LOC400499: variants seen among roughly 807,000 people sequenced by gnomAD.
At chr16:11,489,199 G>A in the LOC400499 span, among the ~76,000 whole-genome samples, 1 of 152,168 alleles carries the variant, frequency 6.6e-6, no homozygotes, top group African/African-American at 2.4e-5. Flanking sequence ...TGGTCCCTCT[G>A]CCTCTCCGAG....
the LOC400499 span, chr16:11,446,602 T>A: frequency 6.5e-7 from 1 of 1,536,078 alleles, no homozygotes; most frequent in Non-Finnish European, 8.7e-7. Context: ...GGGGATGACT[T>A]TGCCATCGTA....
At chr16:11,429,210 C>G in the LOC400499 span, among the ~76,000 whole-genome samples, 1 of 152,130 alleles carries the variant, frequency 6.6e-6, no homozygotes, top group Non-Finnish European at 1.5e-5. Context: ...TTAGTAGCAT[C>G]CCCTGGTACT....
the LOC400499 span, chr16:11,435,958 G>C: frequency 5.0e-6 from 2 of 398,316 alleles, no homozygotes; most frequent in Admixed American, 4.4e-5. Context: ...TCTCCATGAA[G>C]CCCTCCTGAG....
chr16:11,404,410 A>C, the LOC400499 span, among the ~76,000 whole-genome samples: 2 of 151,980 alleles, frequency 1.3e-5, no homozygotes, highest in Admixed American at 1.3e-4. Flanking sequence ...GCACTGGCTC[A>C]ATCTCGGCTC....
At chr16:11,512,542 A>C in the LOC400499 span, among the ~76,000 whole-genome samples, 1 of 152,126 alleles carries the variant, frequency 6.6e-6, no homozygotes, top group Non-Finnish European at 1.5e-5. Flanking sequence ...AGGAGGTTGC[A>C]GTGGGCCAGG....
At chr16:11,459,721 C>A in the LOC400499 span, among the ~76,000 whole-genome samples, 5 of 152,236 alleles carry the variant, frequency 3.3e-5, no homozygotes, top group Admixed American at 2.6e-4. Flanking sequence ...GTGTTTCTCA[C>A]CCCTGGGGAC....
chr16:11,423,426 A>T, the LOC400499 span, among the ~76,000 whole-genome samples: 154 of 152,376 alleles, frequency 1.0e-3, 1 homozygote, highest in African/African-American at 3.4e-3. Flanking sequence ...CCACGGCATC[A>T]TCATCAAATG....
the LOC400499 span, among the ~76,000 whole-genome samples, chr16:11,448,454 G>A: frequency 6.6e-6 from 1 of 152,328 alleles, no homozygotes; most frequent in South Asian, 2.1e-4. Context: ...TGAGATGGGA[G>A]GGTAACTTGA....
At chr16:11,487,463 C>A in the LOC400499 span, 2 of 398,104 alleles carry the variant, frequency 5.0e-6, no homozygotes, top group Non-Finnish European at 8.9e-6. Context: ...AGGGCCATAC[C>A]CTGAGACAGG....
chr16:11,487,718 G>A, the LOC400499 span, among the ~76,000 whole-genome samples: 8 of 151,560 alleles, frequency 5.3e-5, no homozygotes, highest in Non-Finnish European at 7.4e-5. Flanking sequence ...TTACAACAAA[G>A]AGGCAGTCTC....
chr16:11,417,473 A>T, the LOC400499 span, among the ~76,000 whole-genome samples: 1 of 148,798 alleles, frequency 6.7e-6, no homozygotes, highest in Non-Finnish European at 1.5e-5. Context: ...CTTGGGAGTT[A>T]GGTCATTGAC....
At chr16:11,498,083 A>G in the LOC400499 span, among the ~76,000 whole-genome samples, 1 of 152,208 alleles carries the variant, frequency 6.6e-6, no homozygotes, top group African/African-American at 2.4e-5. Context: ...AACTGGGAGA[A>G]GACAAGCCAG....
At chr16:11,498,574 A>G in the LOC400499 span, among the ~76,000 whole-genome samples, 1 of 151,646 alleles carries the variant, frequency 6.6e-6, no homozygotes, top group Admixed American at 6.6e-5. Context: ...CTTGCCCCTC[A>G]CTCCCCACTT....
chr16:11,405,572 G>A, the LOC400499 span, among the ~76,000 whole-genome samples: 1 of 152,168 alleles, frequency 6.6e-6, no homozygotes, highest in Non-Finnish European at 1.5e-5. Context: ...CGTCCCTGCT[G>A]GTGGGTGCCA....
the LOC400499 span, chr16:11,469,184 G>C: frequency 2.5e-6 from 1 of 399,478 alleles, no homozygotes; most frequent in Non-Finnish European, 4.4e-6. Flanking sequence ...CCTTGATGTA[G>C]TAGACGTCCC....
the LOC400499 span, chr16:11,392,538 T>C: frequency 6.5e-5 from 26 of 397,934 alleles, no homozygotes; most frequent in Non-Finnish European, 8.8e-6. Flanking sequence ...GCCCCCACCA[T>C]GTCTCTGGCT....
chr16:11,406,138 G>A, the LOC400499 span, among the ~76,000 whole-genome samples: 1 of 152,208 alleles, frequency 6.6e-6, no homozygotes, highest in Non-Finnish European at 1.5e-5. Flanking sequence ...CATCATACCA[G>A]GCAGGTAATT....
At chr16:11,433,998 G>A in the LOC400499 span, among the ~76,000 whole-genome samples, 1 of 152,186 alleles carries the variant, frequency 6.6e-6, no homozygotes, top group South Asian at 2.1e-4. Context: ...AGGTTATGGG[G>A]ACCTCCAAGT....
the LOC400499 span, among the ~76,000 whole-genome samples, chr16:11,426,630 AT>A: frequency 6.6e-6 from 1 of 151,810 alleles, no homozygotes; most frequent in East Asian, 1.9e-4. Flanking sequence ...CCTAAATGGC[AT>A]AAAAATATCA....
Sources: allele counts gnomAD v4.1 joint callset (sites outside exome capture counted in the v4.1 genomes callset), GRCh38; gene constraint gnomAD v4.1.1; transcripts MANE v1.5.